MTBP: variants seen among roughly 807,000 people sequenced by gnomAD.
MTBP encodes the protein mdm2-binding protein.
A neutral mutation model predicts 117.0 loss-of-function variants in MTBP; 101 were observed. That is an observed-to-expected ratio of 0.86 (90% CI 0.73 to 1.02). The LOEUF (loss-of-function observed/expected upper bound fraction) is 1.02, where lower values mean the gene tolerates loss of function less well. Among genes scored for constraint, MTBP ranks in the 50% least tolerant of loss-of-function variants. The probability of loss-of-function intolerance (pLI) is 0.00; values close to 1 mark genes in which losing one functional copy is unlikely to be tolerated. For synonymous variants in MTBP, 350 were observed against 351.5 expected (o/e 1.00, Z 0.05); for missense variants, 970 against 1,030.9 (o/e 0.94, Z 0.81).
intron 11 of MTBP, chr8:120,472,369 T>G (rs1265597442): frequency 6.6e-6 from 1 of 152,142 alleles, no homozygotes; most frequent in Non-Finnish European, 1.5e-5. Context: ...AGATCTAGAT[T>G]TTGAGTTTTC....
At chr8:120,471,696 C>T (rs187611733) in intron 11 of MTBP, 3 of 152,016 alleles carry the variant, frequency 2.0e-5, no homozygotes, top group East Asian at 1.9e-4. Context: ...TTGTAATAAC[C>T]CCATATACTT....
chr8:120,461,338 TGTTAG>T, intron 9 of MTBP, 83 bp downstream of exon 9: 3 of 922,324 alleles, frequency 3.3e-6, no homozygotes, highest in Non-Finnish European at 5.1e-6. Context: ...TAAATATACA[TGTTAG>T]GTATATCTTT....
chr8:120,479,360 A>T (rs1420203093), intron 11 of MTBP, among the ~76,000 whole-genome samples: 5 of 152,230 alleles, frequency 3.3e-5, no homozygotes, highest in African/African-American at 1.2e-4. Flanking sequence ...TTGAGAAATA[A>T]AGGACTGATA....
intron 5 of MTBP, among the ~76,000 whole-genome samples, chr8:120,455,212 G>A (rs980019963): frequency 2.6e-5 from 4 of 151,810 alleles, no homozygotes; most frequent in Admixed American, 6.6e-5. Context: ...AAGATAACAT[G>A]GCTTTCAATA....
At chr8:120,471,214 T>C in intron 11 of MTBP, 1 of 231,898 alleles carries the variant, frequency 4.3e-6, no homozygotes, top group Non-Finnish European at 8.3e-6. Flanking sequence ...TAGAGACATT[T>C]CAGGAATCAA....
intron 11 of MTBP, chr8:120,473,859 C>T (rs907535770): frequency 1.3e-5 from 2 of 151,966 alleles, no homozygotes; most frequent in Non-Finnish European, 2.9e-5. Context: ...TTACATATGT[C>T]TAAAATTGAT....
At chr8:120,487,642 G>C (rs555689429) in intron 11 of MTBP, among the ~76,000 whole-genome samples, 26 of 152,182 alleles carry the variant, frequency 1.7e-4, no homozygotes, top group African/African-American at 5.8e-4. Flanking sequence ...TATACTAGAC[G>C]CTGTCTTAAC....
At chr8:120,446,538 C>T in intron 2 of MTBP, 25 bp downstream of exon 2, 1 of 1,295,146 alleles carries the variant, frequency 7.7e-7, no homozygotes, top group Non-Finnish European at 1.1e-6. Flanking sequence ...CTCCTCTTTT[C>T]TCTGGCACAG....
chr8:120,510,047 C>T lies in MTBP; in HGVS notation c.1979+18C>T, dbSNP rs1179457341. On this transcript the variant is annotated intron_variant, in intron 17 of 21. Transcript: ENST00000305949. Reference sequence around the variant, plus strand: ...GGAATTGAGTAAGTTTTTATTTGTACTTTACTCTTCTGTATGTTGTTGATA... The same window carrying T: ...GGAATTGAGTAAGTTTTTATTTGTATTTTACTCTTCTGTATGTTGTTGATA... The T allele has an allele frequency of 2.6e-6, 4 of 1,517,102 alleles. No individual in the cohort carries two copies. In the African/African-American group the frequency reaches 4.1e-5, roughly 16 times the overall value. 94.0% of individuals were successfully genotyped at this position (1,517,102 alleles called of 1,614,324 possible).
In MTBP at chr8:120,459,230, A is replaced by G. The variant is rs1192116774; in HGVS notation, c.763A>G (p.Ser255Gly). 1.2e-6 allele frequency: 2 copies of G among 1,608,748 alleles called. No individual in the cohort carries two copies. The highest frequency in any genetic ancestry group is 2.7e-5 in the African/African-American group (2 of 74,850). The change falls in exon 8 of 22, where the codon AGT (serine) becomes GGT (glycine). Residue 255 changes from serine to glycine, a missense_variant. Coordinates refer to ENST00000305949, the MANE Select transcript of MTBP (RefSeq NM_022045.5). ...IWERKFGFEI[S>G]FPEFCLKGVT... ...CTCTTTTCAGTTTGGATTTGAAATT[A>G]GTTTTCCTGAATTTTGTTTAAAGGG...
intron 11 of MTBP, among the ~76,000 whole-genome samples, chr8:120,486,818 C>G (rs919949019): frequency 5.3e-5 from 8 of 152,182 alleles, no homozygotes; most frequent in Non-Finnish European, 1.2e-4. Context: ...CCATTCTCAA[C>G]TCAATGGATA....
intron 15 of MTBP, 106 bp from the exon 16 acceptor site, chr8:120,506,600 C>T (rs919501752): frequency 3.7e-6 from 3 of 804,920 alleles, no homozygotes; most frequent in Admixed American, 7.3e-5. Flanking sequence ...TTTCTGGTTT[C>T]TGCTCACATC....
intron 13 of MTBP, among the ~76,000 whole-genome samples, chr8:120,493,866 A>G (rs1324929106): frequency 3.3e-5 from 5 of 152,218 alleles, no homozygotes; most frequent in African/African-American, 1.2e-4. Flanking sequence ...TACATCTTCC[A>G]GATAAAACCA....
At position 120,515,939 on chromosome 8, in the gene MTBP, A is replaced by G; in HGVS notation, c.1994A>G (p.Asp665Gly). The change falls in exon 18 of 22, where the codon GAC becomes GGC. Residue 665 changes from aspartate (D) to glycine (G), a missense_variant. Asp to Gly is a moderately conservative substitution (Grantham distance 94, BLOSUM62 -1). Coordinates refer to ENST00000305949, the MANE Select transcript of MTBP (RefSeq NM_022045.5). The part of the protein sequence containing the change: ...HYHGIEYCLD[D>G]RKALERDGGF... Reference sequence around the variant, plus strand: ...ACTCATTTTAGATATTGCTTGGATGACCGAAAAGCTTTGGAAAGAGATGGA... The same window carrying G: ...ACTCATTTTAGATATTGCTTGGATGGCCGAAAAGCTTTGGAAAGAGATGGA... The G allele has an allele frequency of 6.2e-7, 1 of 1,612,312 alleles. No homozygotes were observed. The highest frequency in any genetic ancestry group is 8.5e-7 in the Non-Finnish European group (1 of 1,178,884).
intron 17 of MTBP, among the ~76,000 whole-genome samples, chr8:120,513,439 T>A (rs1814854282): frequency 6.6e-6 from 1 of 152,056 alleles, no homozygotes; most frequent in Non-Finnish European, 1.5e-5. Context: ...TTCACTAATA[T>A]CAAATATACA....
chr8:120,494,251 A>C (rs1814408303), intron 13 of MTBP, among the ~76,000 whole-genome samples: 1 of 152,242 alleles, frequency 6.6e-6, no homozygotes. Context: ...GACACAGTAC[A>C]GTGCTTTTTA....
chr8:120,455,367 G>T, intron 5 of MTBP, 68 bp from the exon 6 acceptor site: 1 of 861,712 alleles, frequency 1.2e-6, no homozygotes, highest in East Asian at 2.8e-5. Flanking sequence ...AGTTCTTCAG[G>T]GTACTATTTT....
intron 13 of MTBP, among the ~76,000 whole-genome samples, chr8:120,495,550 C>T (rs1288280186): frequency 6.6e-6 from 1 of 151,956 alleles, no homozygotes; most frequent in African/African-American, 2.4e-5. Flanking sequence ...CATTCTCTCT[C>T]TCTCTTTCTC....
chr8:120,459,728 A>G (rs1308538461), intron 8 of MTBP, among the ~76,000 whole-genome samples: 4 of 152,100 alleles, frequency 2.6e-5, no homozygotes, highest in Admixed American at 1.3e-4. Flanking sequence ...AGTTGTTTAT[A>G]ACCTTGGGTA....
Sources: gnomAD v4.1 joint callset for allele counts (sites outside exome capture counted in the v4.1 genomes callset) on GRCh38, gnomAD v4.1.1 for gene constraint, MANE v1.5 for transcripts, NCBI Gene and HGNC (gene_info 2026-07-23, HGNC 2026-07-21) for gene names.